Variants in PIK3C2G observed in about 807,000 individuals in gnomAD.
The protein encoded by PIK3C2G is phosphatidylinositol-4-phosphate 3-kinase catalytic subunit type 2 gamma.
Under a neutral mutation model 181.1 loss-of-function variants are expected in PIK3C2G, and 168 were observed. The ratio of observed to expected loss-of-function variants is 0.93; its 90% CI spans 0.82 to 1.05. The LOEUF (loss-of-function observed/expected upper bound fraction) is 1.05. PIK3C2G is among the 50% of genes least tolerant of loss of function. PIK3C2G has a pLI of 0.00. For synonymous variants in PIK3C2G, 573 were observed against 592.2 expected, an observed-to-expected ratio of 0.97 and a Z score of 0.47; for missense variants, 1,869 against 1,732.8, an observed-to-expected ratio of 1.08 and a Z score of -1.40.
At chr12:18,403,872 C>T (rs902177996) in intron 16 of PIK3C2G, among the ~76,000 whole-genome samples, 2 of 152,080 alleles carry the variant, frequency 1.3e-5, no homozygotes, top group Non-Finnish European at 2.9e-5. Context: ...TTCCTGAACC[C>T]TCATTCCCAG....
chr12:18,524,552 G>A (rs967009572), intron 24 of PIK3C2G, among the ~76,000 whole-genome samples: 1 of 150,996 alleles, frequency 6.6e-6, no homozygotes, highest in Admixed American at 6.6e-5. Flanking sequence ...GCTTCTTTGT[G>A]CCTCAGTTTT....
intron 29 of PIK3C2G, among the ~76,000 whole-genome samples, chr12:18,576,329 C>T (rs976493291): frequency 2.0e-5 from 3 of 152,132 alleles, no homozygotes; most frequent in Non-Finnish European, 4.4e-5. Flanking sequence ...GTGCCATGCC[C>T]AGGAACATTG....
intron 1 of PIK3C2G, among the ~76,000 whole-genome samples, chr12:18,268,538 T>C (rs1948608349): frequency 6.6e-6 from 1 of 152,172 alleles, no homozygotes; most frequent in South Asian, 2.1e-4. Flanking sequence ...ACCTATCTGT[T>C]CTTTCATTCA....
chr12:18,650,058 C>G (rs1316665924), downstream of PIK3C2G, among the ~76,000 whole-genome samples: 1 of 151,992 alleles, frequency 6.6e-6, no homozygotes, highest in Admixed American at 6.6e-5. Flanking sequence ...TTTTATAACT[C>G]CAGCCCAGAA....
intron 31 of PIK3C2G, among the ~76,000 whole-genome samples, chr12:18,634,609 T>C (rs1400342786): frequency 6.6e-6 from 1 of 152,168 alleles, no homozygotes; most frequent in Non-Finnish European, 1.5e-5. Context: ...GTCTCTGCTG[T>C]TGACATTTTG....
In PIK3C2G at chr12:18,640,467, AT is replaced by A; in HGVS notation, c.4225del (p.Tyr1409IlefsTer29). ...GCTCTGCGCCCAGTGCACATGTTGA[AT>A]TTTATCTTTTACCATATCCCAGTGA... The part of the protein sequence containing the change: ...DGSAPSAHVE[F>X]YLLPYPSEVR... On this transcript the variant is annotated frameshift_variant, in exon 32 of 33. Coordinates refer to ENST00000538779, the MANE Select transcript of PIK3C2G (RefSeq NM_001288772.2). LOFTEE classifies it high-confidence loss of function. The A allele has an allele frequency of 6.2e-7, 1 of 1,610,060 alleles. No homozygotes were observed. Among genetic ancestry groups the A allele is most frequent in the Admixed American group, 1.7e-5 (1 of 59,650 alleles).
intron 1 of PIK3C2G, among the ~76,000 whole-genome samples, chr12:18,253,747 T>C (rs1338508818): frequency 6.6e-6 from 1 of 152,198 alleles, no homozygotes; most frequent in African/African-American, 2.4e-5. Context: ...TCCAGCTTGA[T>C]CATCACTATC....
intron 12 of PIK3C2G, among the ~76,000 whole-genome samples, chr12:18,363,579 A>G (rs1256495760): frequency 2.6e-5 from 4 of 151,708 alleles, no homozygotes; most frequent in Admixed American, 2.6e-4. Flanking sequence ...GCTCTCAGTC[A>G]TTTCCCTGCA....
At chr12:18,458,809 A>T (rs1947762573) in intron 18 of PIK3C2G, among the ~76,000 whole-genome samples, 1 of 149,220 alleles carries the variant, frequency 6.7e-6, no homozygotes, top group Non-Finnish European at 1.5e-5. Flanking sequence ...AAGCATGACG[A>T]TGGCTTCTAG....
intron 22 of PIK3C2G, among the ~76,000 whole-genome samples, chr12:18,501,978 G>A (rs1396455235): frequency 6.6e-6 from 1 of 152,148 alleles, no homozygotes; most frequent in Non-Finnish European, 1.5e-5. Flanking sequence ...AAAAAATGAG[G>A]AGGGAAATTT....
the PIK3C2G span, chr12:18,694,192 C>A: frequency 1.6e-6 from 1 of 642,688 alleles, no homozygotes; most frequent in South Asian, 2.0e-5. Flanking sequence ...AATCTCTGTT[C>A]CCATTGATTT....
At chr12:18,595,609 C>T (rs1434742433) in intron 30 of PIK3C2G, among the ~76,000 whole-genome samples, 1 of 151,970 alleles carries the variant, frequency 6.6e-6, no homozygotes, top group African/African-American at 2.4e-5. Flanking sequence ...TTTTCAAATG[C>T]CAATTCAATC....
chr12:18,430,892 C>A (rs1592241549), intron 18 of PIK3C2G, among the ~76,000 whole-genome samples: 1 of 152,268 alleles, frequency 6.6e-6, no homozygotes, highest in East Asian at 1.9e-4. Context: ...ATGACCATAT[C>A]CTGTGACTTT....
chr12:18,475,695 T>A lies in PIK3C2G; in HGVS notation c.2505-12754T>A, dbSNP rs560586803. On this transcript the variant is annotated intron_variant, in intron 18 of 32. Coordinates refer to ENST00000538779, the MANE Select transcript of PIK3C2G (RefSeq NM_001288772.2). ...GTCTTTCAAAATTCTCAAATATAAATTAAGTTTAATCAGTTTGTAATTAAT... is the reference window on the plus strand; with the variant it reads ...GTCTTTCAAAATTCTCAAATATAAAATAAGTTTAATCAGTTTGTAATTAAT... Among the ~76,000 whole-genome samples the A allele has an allele frequency of 5.9e-5, 9 of 152,208 alleles. No individual in the cohort carries two copies. In the South Asian group the frequency reaches 1.7e-3, roughly 28 times the overall value.
At chr12:18,433,989 C>A (rs895388454) in intron 18 of PIK3C2G, among the ~76,000 whole-genome samples, 1 of 152,134 alleles carries the variant, frequency 6.6e-6, no homozygotes, top group Non-Finnish European at 1.5e-5. Context: ...ATTCCCTATC[C>A]TCATCCATTG....
Position 18,459,693 on chromosome 12 carries a change from AGACTC to A in PIK3C2G, c.2505-28755_2505-28751del, listed in dbSNP as rs1209408982. Among the ~76,000 whole-genome samples, 10 of 152,226 alleles carry A rather than the reference AGACTC, an allele frequency of 6.6e-5. No individual in the cohort carries two copies. The East Asian group carries it at 1.9e-3, about 29-fold the overall frequency. On this transcript the variant is annotated intron_variant, in intron 18 of 32. Coordinates refer to ENST00000538779, the MANE Select transcript of PIK3C2G (RefSeq NM_001288772.2). ...AATTGAATGGACACTTTAATGAAAC[AGACTC>A]AATATTAACCAAGTCTGTGATGTAC...
chr12:18,619,640 G>A (rs1278078572), intron 31 of PIK3C2G, among the ~76,000 whole-genome samples: 1 of 151,696 alleles, frequency 6.6e-6, no homozygotes, highest in Non-Finnish European at 1.5e-5. Flanking sequence ...TCAGACACAT[G>A]CTGTTTCACT....
At position 18,562,827 on chromosome 12, in the gene PIK3C2G, T is replaced by C. The variant is rs373734323; in HGVS notation, c.3715T>C (p.Leu1239=). ...TSQTFPQESC[L]LSTTRSIERA... ...ACAGACTTTTCCTCAGGAATCCTGTTTGCTGAGTACAACTAGGTCGATTGA... is the reference window on the plus strand; with the variant it reads ...ACAGACTTTTCCTCAGGAATCCTGTCTGCTGAGTACAACTAGGTCGATTGA... Residue 1239 remains leucine, a synonymous_variant, in exon 27 of 33, where the codon TTG becomes CTG. Coordinates refer to ENST00000538779, the MANE Select transcript of PIK3C2G (RefSeq NM_001288772.2). 5.7e-5 allele frequency: 91 copies of C among 1,607,798 alleles called. No individual in the cohort carries two copies. In the African/African-American group the frequency reaches 1.1e-3, roughly 19 times the overall value.
chr12:18,461,393 A>G (rs1947911735), intron 18 of PIK3C2G, among the ~76,000 whole-genome samples: 1 of 152,204 alleles, frequency 6.6e-6, no homozygotes, highest in Non-Finnish European at 1.5e-5. Flanking sequence ...TCCCATTGAG[A>G]TGAACTTCTT....
Sources: allele counts gnomAD v4.1 joint callset (sites outside exome capture counted in the v4.1 genomes callset), GRCh38; gene constraint gnomAD v4.1.1; transcripts MANE v1.5; gene names NCBI Gene and HGNC (gene_info 2026-07-23, HGNC 2026-07-21).